The following BCAS1 variants were observed in gnomAD, a reference collection of about 807,000 sequenced individuals.
BCAS1 encodes breast carcinoma-amplified sequence 1.
A neutral mutation model predicts 65.4 loss-of-function variants in BCAS1; 46 were observed. The ratio of observed to expected loss-of-function variants is 0.70; its 90% CI spans 0.55 to 0.90. The LOEUF (loss-of-function observed/expected upper bound fraction) is 0.90. BCAS1 is among the 40% of genes least tolerant of loss of function. The pLI, the probability that BCAS1 is intolerant of heterozygous loss-of-function variation, is 0.00. For synonymous variants in BCAS1, 298 were observed against 293.5 expected (o/e 1.02, Z -0.16); for missense variants, 793 against 771.2 (o/e 1.03, Z -0.33).
intron 3 of BCAS1, among the ~76,000 whole-genome samples, chr20:54,030,839 C>T (rs1311013171): frequency 6.6e-6 from 1 of 151,002 alleles, no homozygotes; most frequent in Non-Finnish European, 1.5e-5. Context: ...CTCTTCTTAA[C>T]CTTTTTTTCT....
chr20:54,033,554 G>C (rs1205453999), intron 3 of BCAS1, among the ~76,000 whole-genome samples: 6 of 151,118 alleles, frequency 4.0e-5, no homozygotes, highest in African/African-American at 1.5e-4. Flanking sequence ...TCTAGAAGAA[G>C]TGGATAAACT....
chr20:53,992,268 T>C (rs2145822812), intron 7 of BCAS1, among the ~76,000 whole-genome samples: 1 of 152,334 alleles, frequency 6.6e-6, no homozygotes, highest in Non-Finnish European at 1.5e-5. Context: ...TGGGAAATAC[T>C]GGGTTAGAAG....
chr20:53,968,190 AT>A (rs2090087723), intron 9 of BCAS1, among the ~76,000 whole-genome samples: 1 of 152,226 alleles, frequency 6.6e-6, no homozygotes, highest in South Asian at 2.1e-4. Context: ...TGGAAGAAAT[AT>A]TTTAAAAGAT....
intron 3 of BCAS1, among the ~76,000 whole-genome samples, chr20:54,054,348 C>T (rs1010373397): frequency 1.3e-5 from 2 of 152,256 alleles, no homozygotes; most frequent in Non-Finnish European, 2.9e-5. Flanking sequence ...TTTCTATTTA[C>T]ATATTTTTCC....
At chr20:53,982,698 AT>A (rs1179271484) in intron 8 of BCAS1, among the ~76,000 whole-genome samples, 3 of 152,186 alleles carry the variant, frequency 2.0e-5, no homozygotes, top group African/African-American at 7.2e-5. Flanking sequence ...AGTCTTTGTA[AT>A]TTAACGAAAA....
chr20:54,013,422 A>C lies in BCAS1; in HGVS notation c.723+14970T>G, dbSNP rs560225155. Among the ~76,000 whole-genome samples the C allele has an allele frequency of 2.4e-4, 37 of 152,358 alleles. 1 individual carries two copies. The South Asian group carries it at 7.5e-3, about 31-fold the overall frequency. ...GGAAGATTGAAAAGTAAAAAAATCCAAATGTTTACAAAAACATTCATTGGC... is the reference window on the plus strand; with the variant it reads ...GGAAGATTGAAAAGTAAAAAAATCCCAATGTTTACAAAAACATTCATTGGC... On this transcript the variant is annotated intron_variant, in intron 4 of 12. Coordinates refer to ENST00000688948, the MANE Select transcript of BCAS1 (RefSeq NM_001366298.2).
chr20:53,967,107 A>G, intron 9 of BCAS1, 34 bp from the exon 10 acceptor site: 2 of 1,598,602 alleles, frequency 1.3e-6, no homozygotes, highest in Non-Finnish European at 1.7e-6. Context: ...AGAAAATGAA[A>G]AACAAAACAT....
chr20:54,004,339 G>C (rs989964851), intron 4 of BCAS1, among the ~76,000 whole-genome samples: 1 of 152,144 alleles, frequency 6.6e-6, no homozygotes, highest in Non-Finnish European at 1.5e-5. Context: ...CCAAAACTGT[G>C]AGATATCAAT....
At chr20:54,063,979 G>A (rs115200736) in intron 1 of BCAS1, among the ~76,000 whole-genome samples, 21,078 of 152,074 alleles carry the variant, frequency 0.14, 1,910 homozygotes, top group East Asian at 0.32. Flanking sequence ...TTAAACATAC[G>A]AAGCTATGGT....
At chr20:54,056,696 C>G (rs1033282313) in intron 3 of BCAS1, among the ~76,000 whole-genome samples, 1 of 152,096 alleles carries the variant, frequency 6.6e-6, no homozygotes, top group East Asian at 1.9e-4. Context: ...CGGGATGAGA[C>G]TAGGGCATGG....
At chr20:54,017,148 C>T (rs2091456023) in intron 4 of BCAS1, among the ~76,000 whole-genome samples, 1 of 152,190 alleles carries the variant, frequency 6.6e-6, no homozygotes, top group African/African-American at 2.4e-5. Flanking sequence ...AAGCAACGCA[C>T]ACTTGCTTCC....
chr20:54,058,783 T>C, intron 1 of BCAS1, 60 bp from the exon 2 acceptor site: 2 of 1,594,878 alleles, frequency 1.3e-6, no homozygotes, highest in Non-Finnish European at 1.7e-6. Flanking sequence ...AAGCTACATG[T>C]GCTACTAAGG....
intron 12 of BCAS1, among the ~76,000 whole-genome samples, chr20:53,948,311 C>A (rs1600678887): frequency 6.6e-6 from 1 of 152,248 alleles, no homozygotes; most frequent in African/African-American, 2.4e-5. Context: ...TGCCACGGGC[C>A]TGAACTTTGC....
At chr20:53,990,846 C>A (rs534933710) in intron 7 of BCAS1, among the ~76,000 whole-genome samples, 1 of 152,306 alleles carries the variant, frequency 6.6e-6, no homozygotes, top group South Asian at 2.1e-4. Context: ...CACTGAATGC[C>A]ACTCAAGGCA....
At chr20:54,006,786 T>G (rs753546139) in intron 4 of BCAS1, among the ~76,000 whole-genome samples, 5 of 151,846 alleles carry the variant, frequency 3.3e-5, no homozygotes, top group Non-Finnish European at 7.4e-5. Context: ...TACGGTGTCA[T>G]GAAAGATTAG....
rs113413318 is a variant in BCAS1, at chr20:54,035,469, C to T, written c.143-6497G>A. On this transcript the variant is annotated intron_variant, in intron 3 of 12. Transcript: ENST00000688948. ...GCATATGAAAAAAAGCTCAATATTA[C>T]TAATCATCAGAGAAATGCAAATCAA... is the stretch of plus-strand genomic sequence containing the variant. Among the ~76,000 whole-genome samples, 133 of 146,702 alleles carry T rather than the reference C, an allele frequency of 9.1e-4. 3 individuals are homozygous for T. The highest frequency in any genetic ancestry group is 3.3e-3 in the African/African-American group (132 of 40,200).
intron 3 of BCAS1, 129 bp from the exon 4 acceptor site, chr20:54,029,101 C>A (rs778891731): frequency 4.1e-4 from 589 of 1,439,464 alleles, no homozygotes; most frequent in Non-Finnish European, 5.1e-4. Flanking sequence ...TCTGGTCATT[C>A]TGAAAGGCAG....
chr20:53,984,711 C>G (rs1442392726), intron 8 of BCAS1, among the ~76,000 whole-genome samples: 1 of 152,242 alleles, frequency 6.6e-6, no homozygotes, highest in Non-Finnish European at 1.5e-5. Flanking sequence ...CAGCCCCACT[C>G]TCCCTGTCCT....
chr20:54,059,098 G>A (rs1378765407), intron 1 of BCAS1, among the ~76,000 whole-genome samples: 2 of 152,118 alleles, frequency 1.3e-5, no homozygotes, highest in African/African-American at 2.4e-5. Context: ...GAACAGCGTG[G>A]AGGAACCCGC....
Sources: gnomAD v4.1 joint callset for allele counts (sites outside exome capture counted in the v4.1 genomes callset) on GRCh38, gnomAD v4.1.1 for gene constraint, MANE v1.5 for transcripts, NCBI Gene and HGNC (gene_info 2026-07-23, HGNC 2026-07-21) for gene names.